The following LRRC4C variants were observed in gnomAD, a reference collection of about 807,000 sequenced individuals.
LRRC4C encodes the protein leucine-rich repeat-containing protein 4C.
LRRC4C carries 5 observed loss-of-function variants against 33.6 expected under a neutral mutation model. The observed-to-expected ratio is 0.15, with a 90% CI of 0.08 to 0.31. The LOEUF is 0.31. Among genes scored for constraint, LRRC4C ranks in the 10% least tolerant of loss-of-function variants. LRRC4C has a pLI of 1.00. For synonymous variants in LRRC4C, 329 were observed against 302.0 expected (o/e 1.09, Z -0.93); for missense variants, 560 against 796.7 (o/e 0.70, Z 3.58).
chr11:41,142,285 TACCTTCA>T (rs1943541395), intron 1 of LRRC4C, among the ~76,000 whole-genome samples: 2 of 152,200 alleles, frequency 1.3e-5, no homozygotes, highest in African/African-American at 4.8e-5. Flanking sequence ...AGATGACCTC[TACCTTCA>T]GAGAGCTTAC....
chr11:41,366,836 T>C (rs1032221626), intron 1 of LRRC4C, among the ~76,000 whole-genome samples: 4 of 152,122 alleles, frequency 2.6e-5, no homozygotes, highest in Non-Finnish European at 4.4e-5. Context: ...GATCTCAGAC[T>C]TCCAGTCTCC....
intron 2 of LRRC4C, among the ~76,000 whole-genome samples, chr11:40,689,869 T>C (rs1357839486): frequency 2.6e-5 from 4 of 152,102 alleles, no homozygotes; most frequent in African/African-American, 9.7e-5. Context: ...TGAACACAGG[T>C]ATTTTTTGGT....
At chr11:40,550,241 G>A (rs1272597280) in intron 3 of LRRC4C, among the ~76,000 whole-genome samples, 1 of 152,066 alleles carries the variant, frequency 6.6e-6, no homozygotes, top group Non-Finnish European at 1.5e-5. Context: ...TGTTTAATGT[G>A]TATCCCTTGA....
At chr11:40,436,733 C>G (rs1346629741) in intron 3 of LRRC4C, among the ~76,000 whole-genome samples, 2 of 152,282 alleles carry the variant, frequency 1.3e-5, no homozygotes, top group African/African-American at 4.8e-5. Flanking sequence ...ACCAGCTGAG[C>G]TGGAGAGAAT....
chr11:41,404,498 A>G (rs114698057), intron 1 of LRRC4C, among the ~76,000 whole-genome samples: 16 of 110,640 alleles, frequency 1.4e-4, no homozygotes, highest in Non-Finnish European at 2.2e-4. Context: ...GTGTGTGTGT[A>G]TACACACAGA....
chr11:40,254,321 G>A (rs778126168), intron 4 of LRRC4C, among the ~76,000 whole-genome samples: 8 of 152,200 alleles, frequency 5.3e-5, no homozygotes, highest in Non-Finnish European at 7.3e-5. Context: ...GTAGAAAAGA[G>A]AGCATGAGGG....
intron 3 of LRRC4C, among the ~76,000 whole-genome samples, chr11:40,374,376 A>G (rs1948578882): frequency 6.6e-6 from 1 of 152,210 alleles, no homozygotes; most frequent in African/African-American, 2.4e-5. Flanking sequence ...CTCTGAAGAT[A>G]CAGAGATGCA....
intron 2 of LRRC4C, among the ~76,000 whole-genome samples, chr11:40,774,957 A>G (rs900706717): frequency 2.0e-5 from 3 of 152,090 alleles, no homozygotes; most frequent in Admixed American, 2.0e-4. Context: ...TCTGTTTTCA[A>G]ATTAAAAATA....
chr11:40,335,663 G>A (rs181172659), intron 3 of LRRC4C, among the ~76,000 whole-genome samples: 8 of 152,306 alleles, frequency 5.3e-5, no homozygotes. Flanking sequence ...ACACTCTTCT[G>A]CTTCTGATTA....
At chr11:41,147,952 C>T (rs146249352) in intron 1 of LRRC4C, among the ~76,000 whole-genome samples, 2,381 of 151,980 alleles carry the variant, frequency 0.016, 60 homozygotes, top group African/African-American at 0.054. Flanking sequence ...ATTAGCTGGG[C>T]GTGGTGGCAC....
intron 2 of LRRC4C, among the ~76,000 whole-genome samples, chr11:40,654,457 G>A (rs1038679570): frequency 2.0e-5 from 3 of 152,136 alleles, no homozygotes; most frequent in African/African-American, 7.2e-5. Flanking sequence ...GAAGTTTAAG[G>A]TTTAATTCCT....
intron 3 of LRRC4C, among the ~76,000 whole-genome samples, chr11:40,410,388 T>C (rs1279921747): frequency 6.6e-6 from 1 of 152,114 alleles, no homozygotes; most frequent in Non-Finnish European, 1.5e-5. Flanking sequence ...GTTTAATATG[T>C]AATTTACTTT....
At chr11:40,199,177 TCTCCTGCCTCAGCCTC>T (rs1177598650) in intron 5 of LRRC4C, among the ~76,000 whole-genome samples, 1 of 152,110 alleles carries the variant, frequency 6.6e-6, no homozygotes, top group Non-Finnish European at 1.5e-5. Flanking sequence ...TTCAAGCAAT[TCTCCTGCCTCAGCCTC>T]CTGAGCAGCT....
At chr11:41,362,060 GC>G (rs2064923358) in intron 1 of LRRC4C, among the ~76,000 whole-genome samples, 2 of 152,160 alleles carry the variant, frequency 1.3e-5, no homozygotes, top group African/African-American at 4.8e-5. Context: ...GTTTGGAGAT[GC>G]AGTTTAATCT....
intron 2 of LRRC4C, among the ~76,000 whole-genome samples, chr11:40,688,091 C>G (rs191653794): frequency 6.6e-6 from 1 of 152,018 alleles, no homozygotes. Flanking sequence ...TTATTTCTGT[C>G]AGTCACTCAG....
At chr11:41,343,945 T>C (rs2137498051) in intron 1 of LRRC4C, among the ~76,000 whole-genome samples, 1 of 152,356 alleles carries the variant, frequency 6.6e-6, no homozygotes, top group South Asian at 2.1e-4. Context: ...AACTTTCCGC[T>C]AATCAGAGCA....
intron 1 of LRRC4C, among the ~76,000 whole-genome samples, chr11:41,348,254 T>C (rs1951862439): frequency 6.6e-6 from 1 of 152,194 alleles, no homozygotes; most frequent in Admixed American, 6.5e-5. Context: ...GCCATCACAA[T>C]GTGTTTATAA....
intron 1 of LRRC4C, among the ~76,000 whole-genome samples, chr11:41,221,414 A>G (rs1187875941): frequency 6.6e-6 from 1 of 152,202 alleles, no homozygotes; most frequent in Non-Finnish European, 1.5e-5. Flanking sequence ...GATGCTGGCA[A>G]GGTTGTAGAG....
intron 2 of LRRC4C, among the ~76,000 whole-genome samples, chr11:40,891,410 C>A (rs1955702252): frequency 6.6e-6 from 1 of 152,100 alleles, no homozygotes; most frequent in South Asian, 2.1e-4. Context: ...AAGCAATCTA[C>A]AAATTCAATA....
Sources: gnomAD v4.1 joint callset for allele counts (sites outside exome capture counted in the v4.1 genomes callset) on GRCh38, gnomAD v4.1.1 for gene constraint, MANE v1.5 for transcripts, NCBI Gene and HGNC (gene_info 2026-07-23, HGNC 2026-07-21) for gene names.